The following CDH4 variants were observed in gnomAD, a reference collection of about 807,000 sequenced individuals.
CDH4 encodes cadherin-4.
In CDH4, 33 loss-of-function variants were observed where a neutral mutation model predicts 86.0. The observed-to-expected ratio is 0.38, with a 90% CI of 0.29 to 0.51. CDH4 has a LOEUF of 0.51. Among genes scored for constraint, CDH4 ranks in the 20% least tolerant of loss-of-function variants. The probability of loss-of-function intolerance (pLI) is 0.86; values close to 1 mark genes in which losing one functional copy is unlikely to be tolerated. For missense variants in CDH4, 1,114 were observed against 1,307.4 expected (o/e 0.85, Z 2.28); for synonymous variants, 555 against 549.4 (o/e 1.01, Z -0.14).
At chr20:61,406,694 C>G (rs1465600348) in intron 2 of CDH4, among the ~76,000 whole-genome samples, 2 of 146,770 alleles carry the variant, frequency 1.4e-5, no homozygotes. Flanking sequence ...GGACCACCAT[C>G]TGCCATCTGC....
chr20:61,308,201 G>T (rs1010736993), intron 2 of CDH4, among the ~76,000 whole-genome samples: 3 of 152,206 alleles, frequency 2.0e-5, no homozygotes, highest in African/African-American at 7.2e-5. Context: ...GGTTTTGAAT[G>T]TATGTAGCAT....
intron 2 of CDH4, among the ~76,000 whole-genome samples, chr20:61,350,721 C>A (rs368963672): frequency 6.8e-6 from 1 of 146,320 alleles, no homozygotes; most frequent in Non-Finnish European, 1.5e-5. Flanking sequence ...AGGCCCCCCC[C>A]CAGTGCTAAC....
intron 7 of CDH4, among the ~76,000 whole-genome samples, chr20:61,875,498 C>T (rs1394174768): frequency 6.6e-6 from 1 of 152,176 alleles, no homozygotes; most frequent in East Asian, 1.9e-4. Flanking sequence ...CCTTGGACTC[C>T]AAGGATCAGA....
intron 2 of CDH4, among the ~76,000 whole-genome samples, chr20:61,316,353 C>G (rs531382683): frequency 6.6e-6 from 1 of 152,374 alleles, no homozygotes; most frequent in Admixed American, 6.5e-5. Context: ...GAGACCGCCG[C>G]GCTGACCTAA....
chr20:61,366,024 A>G (rs1289931696), intron 2 of CDH4, among the ~76,000 whole-genome samples: 3 of 152,170 alleles, frequency 2.0e-5, no homozygotes, highest in East Asian at 3.9e-4. Context: ...CCAGAGCCCA[A>G]GTTTTGGGGA....
At chr20:61,418,242 G>T (rs1166198322) in intron 2 of CDH4, among the ~76,000 whole-genome samples, 1 of 137,522 alleles carries the variant, frequency 7.3e-6, no homozygotes, top group Non-Finnish European at 1.5e-5. Context: ...ACAGAGTCTC[G>T]CTCTGTCCCC....
intron 2 of CDH4, among the ~76,000 whole-genome samples, chr20:61,407,656 G>A (rs1375205736): frequency 1.3e-5 from 2 of 152,216 alleles, no homozygotes; most frequent in Non-Finnish European, 2.9e-5. Context: ...TAAAACATGT[G>A]AAGGAATGTG....
At chr20:61,265,051 A>G (rs1568772999) in intron 2 of CDH4, among the ~76,000 whole-genome samples, 1 of 149,934 alleles carries the variant, frequency 6.7e-6, no homozygotes, top group East Asian at 2.0e-4. Context: ...TCCTACACAT[A>G]CCCCAGTGGC....
At position 61,839,048 on chromosome 20, in the gene CDH4, G is replaced by C. The variant is rs367552114; in HGVS notation, c.577-5620G>C. Among the ~76,000 whole-genome samples the C allele has an allele frequency of 1.2e-4, 19 of 152,284 alleles. No homozygotes were observed. In the South Asian group the frequency reaches 3.3e-3, roughly 27 times the overall value. ...ACTCCCAACAGGCTGCAAAGGCAAGGGTCTGCGATCTGTTTTCCTGGGAAC... is the reference window on the plus strand; with the variant it reads ...ACTCCCAACAGGCTGCAAAGGCAAGCGTCTGCGATCTGTTTTCCTGGGAAC... On this transcript the variant is annotated intron_variant, in intron 4 of 15. Coordinates refer to ENST00000614565, the MANE Select transcript of CDH4 (RefSeq NM_001794.5).
At position 61,936,809 on chromosome 20, in the gene CDH4, A is replaced by T; in HGVS notation, c.2617A>T (p.Ser873Cys). The T allele has an allele frequency of 6.2e-7, 1 of 1,610,590 alleles. No homozygotes were observed. The highest frequency in any genetic ancestry group is 8.5e-7 in the Non-Finnish European group (1 of 1,179,134). Residue 873 changes from serine (S) to cysteine (C), a missense_variant, in exon 16 of 16, where the codon AGC (serine) becomes TGC (cysteine). Physicochemically the swap from Ser to Cys is moderately radical, Grantham distance 112. This residue lies in a region of CDH4 where 188 missense variants were observed against 183.8 expected (regional missense o/e 1.02). Transcript: ENST00000614565. ...CCTGCTGGTCTTCGACTACGAGGGGAGCGGCTCCACCGCAGGCTCCGTCAG... is the reference window on the plus strand; with the variant it reads ...CCTGCTGGTCTTCGACTACGAGGGGTGCGGCTCCACCGCAGGCTCCGTCAG... ...DSLLVFDYEG[S>C]GSTAGSVSSL...
chr20:61,647,560 T>TCTCCCC (rs2087076964), intron 2 of CDH4, among the ~76,000 whole-genome samples: 1 of 97,504 alleles, frequency 1.0e-5, no homozygotes, highest in Admixed American at 1.0e-4. Context: ...TCCCTCTCCC[T>TCTCCCC]CTCCCTCTCC....
At chr20:61,761,327 A>G (rs898255125) in intron 3 of CDH4, among the ~76,000 whole-genome samples, 9 of 152,212 alleles carry the variant, frequency 5.9e-5, no homozygotes, top group African/African-American at 1.9e-4. Context: ...AAAGAGCCAT[A>G]AATAGAATTG....
intron 4 of CDH4, among the ~76,000 whole-genome samples, chr20:61,843,006 G>A (rs1982246380): frequency 6.6e-6 from 1 of 152,216 alleles, no homozygotes; most frequent in South Asian, 2.1e-4. Context: ...TTATTTCGCA[G>A]TGTCATTCAG....
At chr20:61,903,091 C>T (rs369522208) in intron 8 of CDH4, among the ~76,000 whole-genome samples, 1 of 151,606 alleles carries the variant, frequency 6.6e-6, no homozygotes, top group Non-Finnish European at 1.5e-5. Context: ...TAGGAAACTT[C>T]GTGTGCCACG....
chr20:61,699,466 C>T (rs376382332), intron 2 of CDH4, among the ~76,000 whole-genome samples: 17 of 152,336 alleles, frequency 1.1e-4, no homozygotes, highest in East Asian at 3.9e-4. Context: ...CACTGTTCAC[C>T]GTGGGTAAGC....
rs888291029 is a variant in CDH4, at chr20:61,517,757, A to G, written c.170-225806A>G. Among the ~76,000 whole-genome samples the G allele has an allele frequency of 6.6e-6, 1 of 152,204 alleles. No individual in the cohort carries two copies. The highest frequency in any genetic ancestry group is 6.5e-5 in the Admixed American group (1 of 15,280). ...GGTCACCATTCGTCTTATTCTTGTC[A>G]GCTATTATATGTCTGATTTTATGGT... On this transcript the variant is annotated intron_variant, in intron 2 of 15. Transcript: ENST00000614565. This position sits in a 1 kb window ranked among gnomAD's most constrained non-coding sequence, Gnocchi z 6.6.
chr20:61,480,933 A>G lies in CDH4; in HGVS notation c.169+225996A>G, dbSNP rs1426724545. Among the ~76,000 whole-genome samples, 4 of 152,158 alleles carry G rather than the reference A, an allele frequency of 2.6e-5. No individual in the cohort carries two copies. The East Asian group carries it at 7.7e-4, about 29-fold the overall frequency. ...ACCAAGATTATACAACTCGGATGCT[A>G]CTGTTTATAAAGTGTGTCCACGTTG... On this transcript the variant is annotated intron_variant, in intron 2 of 15. Coordinates refer to ENST00000614565, the MANE Select transcript of CDH4 (RefSeq NM_001794.5). This position sits in a 1 kb window ranked among gnomAD's most constrained non-coding sequence, Gnocchi z 5.2.
intron 2 of CDH4, among the ~76,000 whole-genome samples, chr20:61,559,538 T>TTTTTTTG (rs1382302946): frequency 8.4e-5 from 12 of 143,102 alleles, no homozygotes; most frequent in African/African-American, 3.2e-4. Flanking sequence ...TTTTTTTTTT[T>TTTTTTTG]GACACAGAGT....
At chr20:61,653,764 C>T (rs766340566) in intron 2 of CDH4, among the ~76,000 whole-genome samples, 1,359 of 102,600 alleles carry the variant, frequency 0.013, 325 homozygotes, top group Non-Finnish European at 0.023. Flanking sequence ...GGGGCAGAGG[C>T]GCTCCCCACA....
Sources: allele counts gnomAD v4.1 joint callset (sites outside exome capture counted in the v4.1 genomes callset), GRCh38; gene constraint gnomAD v4.1.1; regional missense constraint gnomAD v4.1.1; non-coding constraint Gnocchi (gnomAD v3.1); transcripts MANE v1.5; gene names NCBI Gene and HGNC (gene_info 2026-07-23, HGNC 2026-07-21).